Variants in NAAA observed in about 807,000 individuals in gnomAD.
NAAA encodes N-acylethanolamine-hydrolyzing acid amidase.
A neutral mutation model predicts 44.8 loss-of-function variants in NAAA; 39 were observed. That is an observed-to-expected ratio of 0.87 (90% CI 0.67 to 1.14). The LOEUF is 1.14. NAAA is among the 50% of genes most tolerant of loss of function. NAAA has a pLI of 0.00. For missense variants in NAAA, 460 were observed against 467.8 expected (o/e 0.98, Z 0.15); for synonymous variants, 178 against 191.3 (o/e 0.93, Z 0.58).
chr4:75,930,046 C>A (rs993205816), intron 4 of NAAA, among the ~76,000 whole-genome samples: 1 of 151,994 alleles, frequency 6.6e-6, no homozygotes, highest in East Asian at 1.9e-4. Context: ...CTGAGATCGC[C>A]CACTGCACTC....
chr4:75,914,390 T>A, intron 10 of NAAA, 52 bp from the exon 11 acceptor site: 1 of 854,000 alleles, frequency 1.2e-6, no homozygotes. Context: ...TTTTTTTTTT[T>A]TTTTAATGGA....
At chr4:75,931,399 T>C (rs1282832589) in intron 3 of NAAA, 95 bp from the exon 4 acceptor site, 1 of 891,700 alleles carries the variant, frequency 1.1e-6, no homozygotes, top group African/African-American at 1.7e-5. Flanking sequence ...TTTTTTTTCT[T>C]ATAAATTCCA....
intron 5 of NAAA, among the ~76,000 whole-genome samples, chr4:75,925,014 G>A (rs1397165151): frequency 2.0e-5 from 3 of 150,284 alleles, no homozygotes; most frequent in Admixed American, 6.7e-5. Context: ...TTTTTGAGAC[G>A]GAGTTTTGCT....
intron 4 of NAAA, among the ~76,000 whole-genome samples, 187 bp from the exon 5 acceptor site, chr4:75,925,998 T>A (rs3733233): frequency 6.6e-6 from 1 of 151,994 alleles, no homozygotes; most frequent in Non-Finnish European, 1.5e-5. Flanking sequence ...CCAGGCAAAA[T>A]AAAATTATGT....
intron 3 of NAAA, among the ~76,000 whole-genome samples, chr4:75,933,985 G>A (rs368410705): frequency 2.0e-3 from 305 of 151,530 alleles, no homozygotes; most frequent in South Asian, 0.013. Context: ...AGCCGAGATC[G>A]CGCCACTGCA....
chr4:75,914,291 ATTT>A lies in NAAA; in HGVS notation c.*81_*83del, dbSNP rs1725463428. On this transcript the variant is annotated 3_prime_UTR_variant, in exon 11 of 11. Coordinates refer to ENST00000286733, the MANE Select transcript of NAAA (RefSeq NM_014435.4). ...TAATACAATACTTTCACTTTGTCTT[ATTT>A]TTTAAGGTGCAGCTCTTCAAGAATT... 2.0e-6 allele frequency: 2 copies of A among 985,250 alleles called. No individual in the cohort carries two copies. Among genetic ancestry groups the A allele is most frequent in the Non-Finnish European group, 2.4e-6 (2 of 829,656 alleles). 61.0% of individuals were successfully genotyped at this position (985,250 alleles called of 1,614,324 possible). A position where few individuals can be genotyped will look rare whatever the true frequency, so the allele number is the denominator to read the frequency against.
intron 5 of NAAA, 63 bp downstream of exon 5, chr4:75,925,672 G>A: frequency 1.3e-6 from 2 of 1,482,432 alleles, no homozygotes; most frequent in Non-Finnish European, 1.9e-6. Context: ...ATTGTTAAAT[G>A]ACACAGAACA....
At chr4:75,926,330 G>T (rs1284061131) in intron 4 of NAAA, among the ~76,000 whole-genome samples, 2 of 152,118 alleles carry the variant, frequency 1.3e-5, no homozygotes, top group East Asian at 3.9e-4. Flanking sequence ...GGAGGCCGAG[G>T]TGGGCGGATC....
intron 6 of NAAA, 21 bp downstream of exon 6, chr4:75,920,930 A>G: frequency 6.2e-7 from 1 of 1,613,666 alleles, no homozygotes; most frequent in Non-Finnish European, 8.5e-7. Flanking sequence ...CAAAATGACC[A>G]GAGCTTTCAA....
rs777433295 is a variant in NAAA at position 75,921,024 on chromosome 4, G to A, written c.766C>T (p.Arg256Trp). Residue 256 changes from arginine (R) to tryptophan (W), a missense_variant, in exon 6 of 11, where the codon CGG becomes TGG. Coordinates refer to ENST00000286733, the MANE Select transcript of NAAA (RefSeq NM_014435.4). ...TTCCTCGTGATGACCACCCCCTCCC[G>A]GGGGGACGTGCCACCAACAATGTAA... ...VYYIVGGTSPREGVVITRNRD... is the reference protein window; with the variant it reads ...VYYIVGGTSPWEGVVITRNRD... The A allele has an allele frequency of 5.2e-5, 84 of 1,607,972 alleles. No homozygotes were observed. Among genetic ancestry groups the A allele is most frequent in the Non-Finnish European group, 6.6e-5 (78 of 1,178,678 alleles).
At chr4:75,935,844 G>A in intron 3 of NAAA, 4 of 541,108 alleles carry the variant, frequency 7.4e-6, no homozygotes, top group Non-Finnish European at 1.3e-5. Context: ...TGCATAAGTG[G>A]ATGATTGATC....
intron 9 of NAAA, 110 bp from the exon 10 acceptor site, chr4:75,915,095 T>C: frequency 2.6e-6 from 2 of 773,732 alleles, no homozygotes; most frequent in Non-Finnish European, 4.4e-6. Context: ...ACAAGGCCCT[T>C]TATGCCAGAA....
chr4:75,935,405 GTCTC>G (rs1703093447), intron 3 of NAAA: 2 of 152,052 alleles, frequency 1.3e-5, no homozygotes, highest in South Asian at 4.2e-4. Context: ...GATTAATTCT[GTCTC>G]TCTAAAAGTT....
chr4:75,914,439 A>T (rs542342193), intron 10 of NAAA, 101 bp from the exon 11 acceptor site: 2 of 409,376 alleles, frequency 4.9e-6, no homozygotes, highest in Admixed American at 1.3e-4. Flanking sequence ...CAGTGGTGTG[A>T]TCTCAGCTCA....
At chr4:75,931,602 C>A (rs901052296) in intron 3 of NAAA, among the ~76,000 whole-genome samples, 2 of 152,118 alleles carry the variant, frequency 1.3e-5, no homozygotes, top group African/African-American at 4.8e-5. Flanking sequence ...ATGCATGCAA[C>A]AAATCACACA....
chr4:75,938,283 T>C (rs567666319), intron 2 of NAAA, among the ~76,000 whole-genome samples: 1 of 152,382 alleles, frequency 6.6e-6, no homozygotes, highest in Non-Finnish European at 1.5e-5. Context: ...GGCAATTCAA[T>C]AAATACCTTA....
chr4:75,911,509 G>A (rs1578023992), downstream of NAAA, among the ~76,000 whole-genome samples: 1 of 152,144 alleles, frequency 6.6e-6, no homozygotes, highest in East Asian at 1.9e-4. Flanking sequence ...TGAGCTGGGG[G>A]CTAAGGAAGG....
At chr4:75,917,471 CT>C (rs953868047) in intron 9 of NAAA, 80 of 145,938 alleles carry the variant, frequency 5.5e-4, no homozygotes, top group Non-Finnish European at 4.9e-4. Flanking sequence ...GTTTTCTTTT[CT>C]TTTTTTTTTT....
chr4:75,931,388 A>T (rs1727219148), intron 3 of NAAA, 84 bp from the exon 4 acceptor site: 2 of 1,023,074 alleles, frequency 2.0e-6, no homozygotes, highest in South Asian at 1.5e-5. Context: ...AATTTTCTGG[A>T]TTTTTTTTCT....
Sources: allele counts gnomAD v4.1 joint callset (sites outside exome capture counted in the v4.1 genomes callset), GRCh38; gene constraint gnomAD v4.1.1; transcripts MANE v1.5; gene names NCBI Gene and HGNC (gene_info 2026-07-23, HGNC 2026-07-21).